Variants in OR10R2 observed in about 807,000 individuals in gnomAD.
The protein encoded by OR10R2 is olfactory receptor 10R2.
A neutral mutation model predicts 2.4 loss-of-function variants in OR10R2; 1 was observed. The ratio of observed to expected loss-of-function variants is 0.41; its 90% CI spans 0.15 to 1.95. The LOEUF is 1.95. Ranked by LOEUF, OR10R2 falls within the 30% of genes most tolerant of loss-of-function variation. The pLI is 0.30. For missense variants in OR10R2, 419 were observed against 373.0 expected, an observed-to-expected ratio of 1.12 and a Z score of -1.01; for synonymous variants, 166 against 144.8, an observed-to-expected ratio of 1.15 and a Z score of -1.05.
At chr1:158,477,911 T>C (rs1656299982) in intron 1 of OR10R2, among the ~76,000 whole-genome samples, 1 of 152,066 alleles carries the variant, frequency 6.6e-6, no homozygotes, top group Non-Finnish European at 1.5e-5. Flanking sequence ...AACTATACTA[T>C]AACGTTACAG....
At chr1:158,473,101 G>A (rs1656193483) in intron 1 of OR10R2, among the ~76,000 whole-genome samples, 1 of 152,132 alleles carries the variant, frequency 6.6e-6, no homozygotes, top group South Asian at 2.1e-4. Flanking sequence ...ATCGCTTGCT[G>A]GAAGTATCTT....
chr1:158,478,752 A>T (rs1427305920), intron 1 of OR10R2, among the ~76,000 whole-genome samples: 1 of 152,144 alleles, frequency 6.6e-6, no homozygotes, highest in Non-Finnish European at 1.5e-5. Flanking sequence ...GGTGATAAGG[A>T]TAATTCTAGT....
exon 1 of OR10R2, chr1:158,472,333 C>T: frequency 2.5e-6 from 1 of 399,030 alleles, no homozygotes; most frequent in Non-Finnish European, 4.4e-6. Flanking sequence ...ACAATGACCA[C>T]TGTTCTGGGG....
intron 1 of OR10R2, among the ~76,000 whole-genome samples, chr1:158,477,698 T>A (rs1454640684): frequency 6.6e-6 from 1 of 152,124 alleles, no homozygotes; most frequent in Non-Finnish European, 1.5e-5. Context: ...TGAACTGGAA[T>A]AATCAATATT....
At chr1:158,480,868 C>A in exon 2 of OR10R2, 1 of 1,415,376 alleles carries the variant, frequency 7.1e-7, no homozygotes, top group Non-Finnish European at 9.7e-7. Flanking sequence ...GAAAGGTTCT[C>A]TAAAACTATA....
chr1:158,479,794 A>G, intron 1 of OR10R2, 144 bp from the exon 2 acceptor site: 1 of 763,880 alleles, frequency 1.3e-6, no homozygotes, highest in Non-Finnish European at 2.2e-6. Context: ...GAACCAATGA[A>G]CATGAGAGGT....
At chr1:158,480,488 T>A in exon 2 of OR10R2, 2 of 1,613,526 alleles carry the variant, frequency 1.2e-6, no homozygotes, top group Non-Finnish European at 1.7e-6. Flanking sequence ...ATCTCAGCAG[T>A]CATTCTTCTG....
At chr1:158,479,828 TA>T in intron 1 of OR10R2, 109 bp from the exon 2 acceptor site, 1 of 1,179,076 alleles carries the variant, frequency 8.5e-7, no homozygotes, top group Non-Finnish European at 1.2e-6. Context: ...AAAAGGTGAA[TA>T]AAAGGCAAGA....
At chr1:158,480,765 G>T (rs199817196) in exon 2 of OR10R2, 2 of 1,613,748 alleles carry the variant, frequency 1.2e-6, no homozygotes, top group African/African-American at 2.7e-5. Flanking sequence ...TGGTGACGGT[G>T]ACATACACGA....
At chr1:158,480,015 C>T (rs1571295639) in exon 2 of OR10R2, 1 of 1,613,928 alleles carries the variant, frequency 6.2e-7, no homozygotes, top group African/African-American at 1.3e-5. Context: ...TTCAGCTGGC[C>T]CTCTTTGTAG....
chr1:158,476,040 T>G (rs887429638), intron 1 of OR10R2, among the ~76,000 whole-genome samples: 2 of 152,138 alleles, frequency 1.3e-5, no homozygotes, highest in South Asian at 4.1e-4. Context: ...CTGCTTTAAA[T>G]TTAGCCATAT....
At chr1:158,475,868 G>T (rs114043655) in intron 1 of OR10R2, among the ~76,000 whole-genome samples, 1,802 of 151,620 alleles carry the variant, frequency 0.012, 42 homozygotes, top group African/African-American at 0.041. Flanking sequence ...GAATGTATCC[G>T]TTGAAAATTT....
At chr1:158,475,725 C>T (rs891945839) in intron 1 of OR10R2, among the ~76,000 whole-genome samples, 3 of 151,486 alleles carry the variant, frequency 2.0e-5, no homozygotes, top group African/African-American at 7.2e-5. Flanking sequence ...TTTTATTTTA[C>T]ACCAATTGTT....
At chr1:158,476,923 G>C (rs1052869251) in intron 1 of OR10R2, among the ~76,000 whole-genome samples, 1 of 151,862 alleles carries the variant, frequency 6.6e-6, no homozygotes, top group African/African-American at 2.4e-5. Flanking sequence ...TTTAAAATGG[G>C]GTTTATTGTT....
exon 2 of OR10R2, chr1:158,480,804 T>A: frequency 6.2e-7 from 1 of 1,611,628 alleles, no homozygotes. Context: ...ACCCCATGGT[T>A]TATAGCCTCA....
intron 1 of OR10R2, among the ~76,000 whole-genome samples, chr1:158,474,259 C>G (rs1330076271): frequency 6.6e-6 from 1 of 151,980 alleles, no homozygotes; most frequent in Non-Finnish European, 1.5e-5. Context: ...ATTCTCAGGC[C>G]CCTGTATCTC....
chr1:158,478,245 G>C (rs1410850813), intron 1 of OR10R2, among the ~76,000 whole-genome samples: 1 of 152,090 alleles, frequency 6.6e-6, no homozygotes, highest in East Asian at 1.9e-4. Context: ...TATCAGCCTT[G>C]GCAAAGAATT....
chr1:158,475,083 A>G (rs1374208777), intron 1 of OR10R2, among the ~76,000 whole-genome samples: 2 of 152,158 alleles, frequency 1.3e-5, no homozygotes, highest in Non-Finnish European at 2.9e-5. Context: ...ACTACAATAT[A>G]GCGAGGTTAA....
At chr1:158,475,448 G>A (rs73027703) in intron 1 of OR10R2, among the ~76,000 whole-genome samples, 3,902 of 152,028 alleles carry the variant, frequency 0.026, 83 homozygotes, top group African/African-American at 0.056. Flanking sequence ...TTTGATGAGT[G>A]TAAATAATAT....
Sources: allele counts gnomAD v4.1 joint callset (sites outside exome capture counted in the v4.1 genomes callset), GRCh38; gene constraint gnomAD v4.1.1; transcripts MANE v1.5; gene names NCBI Gene and HGNC (gene_info 2026-07-23, HGNC 2026-07-21).